ERC1: variants seen among roughly 807,000 people sequenced by gnomAD.
ERC1 encodes ELKS/RAB6-interacting/CAST family member 1.
Under a neutral mutation model 132.0 loss-of-function variants are expected in ERC1, and 56 were observed. The ratio of observed to expected loss-of-function variants is 0.42; its 90% CI spans 0.34 to 0.53. ERC1 has a LOEUF of 0.53. Among genes scored for constraint, ERC1 ranks in the 20% least tolerant of loss-of-function variants. The pLI, the probability that ERC1 is intolerant of heterozygous loss-of-function variation, is 0.03. For missense variants in ERC1, 1,202 were observed against 1,349.9 expected (o/e 0.89, Z 1.72); for synonymous variants, 478 against 476.1 (o/e 1.00, Z -0.05).
intron 15 of ERC1, among the ~76,000 whole-genome samples, chr12:1,318,630 A>G (rs910973536): frequency 6.6e-6 from 1 of 152,250 alleles, no homozygotes; most frequent in African/African-American, 2.4e-5. Flanking sequence ...GTGATTGTGT[A>G]ATTGTGTGAG....
intron 16 of ERC1, among the ~76,000 whole-genome samples, chr12:1,407,664 G>A (rs1247980075): frequency 2.0e-5 from 3 of 152,172 alleles, no homozygotes; most frequent in Admixed American, 2.0e-4. Flanking sequence ...TAACTGGATA[G>A]CTTAATCAAA....
At chr12:1,032,188 A>G (rs1378390047) in intron 2 of ERC1, among the ~76,000 whole-genome samples, 1 of 151,886 alleles carries the variant, frequency 6.6e-6, no homozygotes, top group East Asian at 1.9e-4. Flanking sequence ...AGTAGCTGGG[A>G]TTACAGGTGC....
Position 1,185,746 on chromosome 12 carries a change from T to A in ERC1, c.2157+2325T>A, listed in dbSNP as rs554485764. Among the ~76,000 whole-genome samples the A allele has an allele frequency of 2.5e-3, 375 of 151,148 alleles. 2 individuals are homozygous for A. The highest frequency in any genetic ancestry group is 6.9e-3 in the Admixed American group (105 of 15,240). On this transcript the variant is annotated intron_variant, in intron 11 of 18. Transcript: ENST00000360905. ...ACTCTAGGTTGTTTTTTTTTTTTTT[T>A]AATTTATATTGAGGTGACTACAAAA... is the stretch of plus-strand genomic sequence containing the variant.
Position 1,401,523 on chromosome 12 carries a change from C to G in ERC1, c.2926-6626C>G, listed in dbSNP as rs1186791982. On this transcript the variant is annotated intron_variant, in intron 16 of 18. Coordinates refer to ENST00000360905, the MANE Select transcript of ERC1 (RefSeq NM_178040.4). ...TTTAAAAGGAGAACAGGCTCTGAAG[C>G]TAGACTGTTTGTATTAGAGCTCTAG... Among the ~76,000 whole-genome samples, 3 of 152,126 alleles carry G rather than the reference C, an allele frequency of 2.0e-5. No individual in the cohort carries two copies. The East Asian group carries it at 5.8e-4, about 29-fold the overall frequency.
At chr12:1,073,735 T>C (rs1424820850) in intron 2 of ERC1, among the ~76,000 whole-genome samples, 1 of 152,240 alleles carries the variant, frequency 6.6e-6, no homozygotes, top group East Asian at 1.9e-4. Context: ...TATTATGTAC[T>C]GTATATAATT....
chr12:1,045,110 A>G (rs1241976209), intron 2 of ERC1, among the ~76,000 whole-genome samples: 1 of 152,164 alleles, frequency 6.6e-6, no homozygotes, highest in Non-Finnish European at 1.5e-5. Flanking sequence ...AATGGGCAAC[A>G]TAGAATGCTT....
chr12:1,132,126 A>C (rs1948824216), intron 7 of ERC1, among the ~76,000 whole-genome samples: 1 of 152,214 alleles, frequency 6.6e-6, no homozygotes, highest in South Asian at 2.1e-4. Context: ...AGATCAGTGT[A>C]GAATTCAGAG....
intron 16 of ERC1, among the ~76,000 whole-genome samples, chr12:1,397,148 T>A (rs1436676610): frequency 1.3e-5 from 2 of 152,164 alleles, no homozygotes; most frequent in Non-Finnish European, 2.9e-5. Context: ...ATCGAGAATT[T>A]AACAACACAC....
intron 7 of ERC1, among the ~76,000 whole-genome samples, chr12:1,116,979 T>C (rs894327666): frequency 1.3e-5 from 2 of 152,222 alleles, no homozygotes; most frequent in African/African-American, 4.8e-5. Flanking sequence ...CAGATAGATA[T>C]TTAGTGTATT....
chr12:1,289,084 TACACACACACACACAC>T (rs57334239), intron 14 of ERC1, among the ~76,000 whole-genome samples: 53 of 102,884 alleles, frequency 5.2e-4, no homozygotes, highest in African/African-American at 1.4e-3. Context: ...ATCTGGTATG[TACACACACACACACAC>T]ACACACACAC....
intron 18 of ERC1, among the ~76,000 whole-genome samples, chr12:1,446,037 A>C (rs2093295144): frequency 1.3e-5 from 2 of 152,048 alleles, no homozygotes; most frequent in Non-Finnish European, 2.9e-5. Context: ...CCAAAGGCCC[A>C]CCTCCTAATA....
At chr12:1,400,953 T>TTTTTTTTTTTTTTG (rs1477365626) in intron 16 of ERC1, among the ~76,000 whole-genome samples, 3 of 90,342 alleles carry the variant, frequency 3.3e-5, no homozygotes, top group African/African-American at 7.8e-5. Context: ...TTTTTTTTTT[T>TTTTTTTTTTTTTTG]GTGACGGAGT....
chr12:1,049,353 A>G (rs1971552294), intron 2 of ERC1, among the ~76,000 whole-genome samples: 1 of 152,212 alleles, frequency 6.6e-6, no homozygotes, highest in Non-Finnish European at 1.5e-5. Flanking sequence ...CTGAACCCAG[A>G]TCAGTGATTC....
At chr12:1,092,248 C>G (rs1279862772) in intron 3 of ERC1, among the ~76,000 whole-genome samples, 2 of 152,130 alleles carry the variant, frequency 1.3e-5, no homozygotes, top group Non-Finnish European at 2.9e-5. Flanking sequence ...CCGCCCGCCT[C>G]GGCCTCCTAA....
At chr12:1,181,900 A>C (rs781630096) in intron 9 of ERC1, 25 bp from the exon 10 acceptor site, 1 of 1,590,974 alleles carries the variant, frequency 6.3e-7, no homozygotes, top group South Asian at 1.1e-5. Context: ...GAATTTCTTC[A>C]CATGTTGATA....
intron 2 of ERC1, among the ~76,000 whole-genome samples, chr12:1,032,776 A>C (rs1323211779): frequency 4.6e-5 from 7 of 152,228 alleles, no homozygotes; most frequent in African/African-American, 9.6e-5. Flanking sequence ...TTTGCATTGC[A>C]CTACCAAGTA....
chr12:1,340,081 C>T (rs947627328), intron 15 of ERC1, among the ~76,000 whole-genome samples: 22 of 152,098 alleles, frequency 1.4e-4, no homozygotes, highest in Admixed American at 9.8e-4. Context: ...AGCGTGTGAC[C>T]GTGGGGGCCA....
At chr12:1,396,758 A>G (rs2090576060) in intron 16 of ERC1, among the ~76,000 whole-genome samples, 1 of 152,162 alleles carries the variant, frequency 6.6e-6, no homozygotes, top group South Asian at 2.1e-4. Context: ...GACTAGAAGG[A>G]CTTGGGTTTA....
intron 17 of ERC1, among the ~76,000 whole-genome samples, chr12:1,414,878 TTAAC>T (rs1411605694): frequency 6.6e-6 from 1 of 152,150 alleles, no homozygotes; most frequent in Admixed American, 6.6e-5. Context: ...GTGTATTTAT[TTAAC>T]TACTGAATTC....
Sources: allele counts gnomAD v4.1 joint callset (sites outside exome capture counted in the v4.1 genomes callset), GRCh38; gene constraint gnomAD v4.1.1; transcripts MANE v1.5; gene names NCBI Gene and HGNC (gene_info 2026-07-23, HGNC 2026-07-21).